Variants in FXYD6 observed in about 807,000 individuals in gnomAD.
The protein encoded by FXYD6 is FXYD domain-containing ion transport regulator 6.
Under a neutral mutation model 16.7 loss-of-function variants are expected in FXYD6, and 7 were observed. The ratio of observed to expected loss-of-function variants is 0.42; its 90% confidence interval spans 0.24 to 0.79. The LOEUF (loss-of-function observed/expected upper bound fraction) is 0.79. FXYD6 is among the 30% of genes least tolerant of loss of function. The pLI is 0.28. For missense variants in FXYD6, 111 were observed against 116.2 expected (o/e 0.95, Z 0.21); for synonymous variants, 49 against 43.0 (o/e 1.14, Z -0.54).
chr11:117,873,413 G>C (rs535593479), intron 1 of FXYD6, among the ~76,000 whole-genome samples: 2 of 152,256 alleles, frequency 1.3e-5, no homozygotes, highest in Non-Finnish European at 2.9e-5. Flanking sequence ...AAGGCTTTCA[G>C]TTGCTGAAGA....
intron 1 of FXYD6, among the ~76,000 whole-genome samples, chr11:117,865,954 C>G (rs1000883777): frequency 3.3e-5 from 5 of 151,920 alleles, no homozygotes; most frequent in African/African-American, 1.2e-4. Flanking sequence ...TGTGGTGAGG[C>G]TGAGCATCTT....
chr11:117,839,611 T>C, intron 7 of FXYD6, 170 bp downstream of exon 7: 1 of 689,744 alleles, frequency 1.4e-6, no homozygotes, highest in South Asian at 2.0e-5. Context: ...CTAGTCCTGG[T>C]CTCTCTCACA....
chr11:117,870,948 C>T lies in FXYD6; in HGVS notation c.-6+5644G>A, dbSNP rs919274207. Among the ~76,000 whole-genome samples the T allele has an allele frequency of 2.0e-5, 3 of 152,266 alleles. No individual in the cohort carries two copies. Among genetic ancestry groups the T allele is most frequent in the East Asian group, 1.9e-4 (1 of 5,176 alleles). On this transcript the variant is annotated intron_variant, in intron 1 of 7. Coordinates refer to ENST00000526014, the MANE Select transcript of FXYD6 (RefSeq NM_022003.4). The surrounding 1 kb of genome is among the most constrained non-coding windows in gnomAD (Gnocchi z 4.2). Reference sequence around the variant, plus strand: ...AAATGTTGATGTGTGAATGAAAGGACGCTTCAGCATCATTATCCCTTTACA... The same window carrying T: ...AAATGTTGATGTGTGAATGAAAGGATGCTTCAGCATCATTATCCCTTTACA...
At chr11:117,866,458 CT>C (rs2057016582) in intron 1 of FXYD6, among the ~76,000 whole-genome samples, 2 of 152,158 alleles carry the variant, frequency 1.3e-5, no homozygotes, top group African/African-American at 4.8e-5. Context: ...GCTTTTCAGA[CT>C]TTGGCATGCA....
chr11:117,874,690 G>A (rs2057217006), intron 1 of FXYD6, among the ~76,000 whole-genome samples: 1 of 152,212 alleles, frequency 6.6e-6, no homozygotes, highest in African/African-American at 2.4e-5. Context: ...TGGTGAGGAT[G>A]ACTCCCAGAG....
At chr11:117,838,549 G>T (rs936110824) in intron 7 of FXYD6, 1 of 457,192 alleles carries the variant, frequency 2.2e-6, no homozygotes, top group Non-Finnish European at 3.9e-6. Context: ...TAGGATAAAA[G>T]GTTTCTGAGA....
chr11:117,876,756 G>C (rs905235444), upstream of FXYD6: 1 of 138,716 alleles, frequency 7.2e-6, no homozygotes, highest in Non-Finnish European at 1.6e-5. Flanking sequence ...CTGCGGGGGC[G>C]GGGGGGGGGC....
Position 117,872,798 on chromosome 11 carries a change from C to T in FXYD6, c.-6+3794G>A, listed in dbSNP as rs570744148. 7.9e-4 allele frequency among the ~76,000 whole-genome samples: 120 copies of T among 152,334 alleles called. 1 individual carries two copies. Among genetic ancestry groups the T allele is most frequent in the Non-Finnish European group, 1.4e-3 (97 of 68,044 alleles). On this transcript the variant is annotated intron_variant, in intron 1 of 7. Coordinates refer to ENST00000526014, the MANE Select transcript of FXYD6 (RefSeq NM_022003.4). The surrounding 1 kb of genome is among the most constrained non-coding windows in gnomAD (Gnocchi z 4.9). ...TTCCCAGGTCGGGACCTCTCCCTCC[C>T]CGGATTCTGGAGCAGAGATGATGCT...
intron 1 of FXYD6, among the ~76,000 whole-genome samples, chr11:117,862,633 C>T (rs566962108): frequency 2.0e-5 from 3 of 152,198 alleles, no homozygotes; most frequent in South Asian, 2.1e-4. Flanking sequence ...TCTTCCTTCA[C>T]CAAGGTCATT....
Position 117,872,084 on chromosome 11 carries a change from G to T in FXYD6, c.-6+4508C>A, listed in dbSNP as rs1325902677. ...CCTGGGGAGGTTTTTGAGCAGAGGA[G>T]TGGCAAACCTGGACCTGAGCTGTAA... On this transcript the variant is annotated intron_variant, in intron 1 of 7. Coordinates refer to ENST00000526014, the MANE Select transcript of FXYD6 (RefSeq NM_022003.4). The surrounding 1 kb of genome is among the most constrained non-coding windows in gnomAD (Gnocchi z 4.9). Among the ~76,000 whole-genome samples, 1 of 152,166 alleles carries T rather than the reference G, an allele frequency of 6.6e-6. No homozygotes were observed. Among genetic ancestry groups the T allele is most frequent in the African/African-American group, 2.4e-5 (1 of 41,414 alleles).
intron 4 of FXYD6, 194 bp downstream of exon 4, chr11:117,841,597 T>A (rs934400659): frequency 1.6e-6 from 1 of 635,176 alleles, no homozygotes; most frequent in African/African-American, 1.8e-5. Flanking sequence ...TGACATTTTC[T>A]TTGTTCCCGT....
chr11:117,861,381 G>C (rs1411288959), intron 1 of FXYD6, among the ~76,000 whole-genome samples: 1 of 152,210 alleles, frequency 6.6e-6, no homozygotes, highest in Non-Finnish European at 1.5e-5. Flanking sequence ...GCAGGGGAGA[G>C]AGGCAGGGAG....
At chr11:117,845,194 G>A (rs901936176) in intron 1 of FXYD6, among the ~76,000 whole-genome samples, 6 of 152,110 alleles carry the variant, frequency 3.9e-5, no homozygotes, top group African/African-American at 1.4e-4. Flanking sequence ...TCTACTTTTT[G>A]TCTCAATGGG....
chr11:117,869,326 C>G (rs2057082890), intron 1 of FXYD6: 1 of 152,262 alleles, frequency 6.6e-6, no homozygotes, highest in African/African-American at 2.4e-5. Flanking sequence ...AGGAGCAGGA[C>G]AGGGCACCTC....
rs2057168025 is a variant in FXYD6 at position 117,872,785 on chromosome 11, G to C, written c.-6+3807C>G. 6.6e-6 allele frequency among the ~76,000 whole-genome samples: 1 copy of C among 152,162 alleles called. No homozygotes were observed. The highest frequency in any genetic ancestry group is 1.9e-4 in the East Asian group (1 of 5,190). ...CTGGCTTCATCCCTTCCCAGGTCGG[G>C]ACCTCTCCCTCCCCGGATTCTGGAG... On this transcript the variant is annotated intron_variant, in intron 1 of 7. Coordinates refer to ENST00000526014, the MANE Select transcript of FXYD6 (RefSeq NM_022003.4). The surrounding 1 kb of genome is among the most constrained non-coding windows in gnomAD (Gnocchi z 4.9).
chr11:117,840,957 A>T (rs2056325743), intron 5 of FXYD6, among the ~76,000 whole-genome samples, 191 bp downstream of exon 5: 1 of 151,990 alleles, frequency 6.6e-6, no homozygotes, highest in Admixed American at 6.5e-5. Flanking sequence ...CTGACCTTCA[A>T]TGTTTTGACC....
intron 1 of FXYD6, among the ~76,000 whole-genome samples, chr11:117,857,832 G>T (rs1489957313): frequency 6.6e-6 from 1 of 152,154 alleles, no homozygotes; most frequent in African/African-American, 2.4e-5. Context: ...TGGCCCCGAA[G>T]GCTTTTTAAG....
At chr11:117,838,341 T>G (rs2056247929) in intron 7 of FXYD6, 64 bp from the exon 8 acceptor site, 1 of 701,024 alleles carries the variant, frequency 1.4e-6, no homozygotes, top group African/African-American at 1.8e-5. Flanking sequence ...TATCTGCTTC[T>G]CTCCCTTCCT....
intron 1 of FXYD6, among the ~76,000 whole-genome samples, chr11:117,851,826 G>A (rs1332558793): frequency 6.6e-6 from 1 of 152,228 alleles, no homozygotes; most frequent in East Asian, 1.9e-4. Context: ...AGTGTTCAAT[G>A]CTTTGAGTAA....
Sources: gnomAD v4.1 joint callset for allele counts (sites outside exome capture counted in the v4.1 genomes callset) on GRCh38, gnomAD v4.1.1 for gene constraint, Gnocchi (gnomAD v3.1) non-coding constraint, MANE v1.5 for transcripts, NCBI Gene and HGNC (gene_info 2026-07-23, HGNC 2026-07-21) for gene names.